SAMMSON: variants seen among roughly 807,000 people sequenced by gnomAD.
The protein encoded by SAMMSON is long intergenic non-protein coding RNA 1212.
intron 4 of SAMMSON, among the ~76,000 whole-genome samples, chr3:70,117,650 C>T (rs1239615005): frequency 6.6e-6 from 1 of 152,146 alleles, no homozygotes; most frequent in African/African-American, 2.4e-5. Context: ...CCCTGATAAT[C>T]TTCCTTTGCG....
chr3:70,364,949 C>G (rs1702908775), intron 9 of SAMMSON, among the ~76,000 whole-genome samples: 2 of 151,718 alleles, frequency 1.3e-5, no homozygotes, highest in African/African-American at 4.8e-5. Context: ...ATCGTGTTAT[C>G]CATTTATAAC....
At chr3:70,233,712 C>A (rs1158853918) in intron 4 of SAMMSON, among the ~76,000 whole-genome samples, 1 of 152,168 alleles carries the variant, frequency 6.6e-6, no homozygotes, top group Non-Finnish European at 1.5e-5. Flanking sequence ...ATTGACTCAA[C>A]TTCTAAAATT....
chr3:70,212,061 C>T (rs1004490614), intron 4 of SAMMSON, among the ~76,000 whole-genome samples: 28 of 152,042 alleles, frequency 1.8e-4, no homozygotes, highest in Admixed American at 1.7e-3. Context: ...CCCTTGAAGG[C>T]CGTATTTGTC....
At chr3:70,327,001 G>A (rs932237146) in intron 7 of SAMMSON, among the ~76,000 whole-genome samples, 10 of 152,124 alleles carry the variant, frequency 6.6e-5, no homozygotes, top group African/African-American at 2.2e-4. Flanking sequence ...TAGGCTGACA[G>A]GCATGTGCCA....
chr3:70,189,702 A>G (rs1220694192), intron 4 of SAMMSON, among the ~76,000 whole-genome samples: 1 of 152,182 alleles, frequency 6.6e-6, no homozygotes, highest in East Asian at 1.9e-4. Flanking sequence ...GTAAGTAATA[A>G]CTCACATTTG....
chr3:70,305,592 CTTTG>C (rs1213444598), intron 7 of SAMMSON, among the ~76,000 whole-genome samples: 1 of 152,162 alleles, frequency 6.6e-6, no homozygotes, highest in Non-Finnish European at 1.5e-5. Flanking sequence ...TTTTTGGCAT[CTTTG>C]TTTCTTTGTC....
At chr3:70,072,637 A>G (rs1157916243) in intron 4 of SAMMSON, 11 of 141,258 alleles carry the variant, frequency 7.8e-5, no homozygotes, top group Non-Finnish European at 7.7e-5. Flanking sequence ...GGAAAATAGA[A>G]CAGCAAAGGA....
intron 4 of SAMMSON, among the ~76,000 whole-genome samples, chr3:70,124,428 T>A (rs949998440): frequency 6.6e-6 from 1 of 152,184 alleles, no homozygotes; most frequent in African/African-American, 2.4e-5. Flanking sequence ...TACTAGGGAA[T>A]CACATATACA....
chr3:70,257,552 C>T (rs533668239), intron 6 of SAMMSON, among the ~76,000 whole-genome samples: 72 of 152,072 alleles, frequency 4.7e-4, no homozygotes, highest in East Asian at 1.5e-3. Context: ...GAGGAAGATA[C>T]GCTTTGCAAT....
intron 4 of SAMMSON, chr3:70,124,953 A>G: frequency 1.7e-6 from 1 of 577,426 alleles, no homozygotes; most frequent in Non-Finnish European, 3.1e-6. Flanking sequence ...ATTTTTAAAT[A>G]TACTTTCAAA....
chr3:70,051,158 A>G (rs866657610), intron 3 of SAMMSON, among the ~76,000 whole-genome samples: 13 of 147,556 alleles, frequency 8.8e-5, no homozygotes, highest in Non-Finnish European at 1.5e-5. Context: ...AAAAAAAAAA[A>G]AAGAAAAAAA....
At chr3:70,417,963 A>G (rs1275788019) in intron 2 of SAMMSON, among the ~76,000 whole-genome samples, 1 of 152,214 alleles carries the variant, frequency 6.6e-6, no homozygotes, top group Non-Finnish European at 1.5e-5. Context: ...GCTAGCCACA[A>G]GAAGAGGGAA....
chr3:70,419,204 T>G (rs1701291517), intron 2 of SAMMSON, among the ~76,000 whole-genome samples: 1 of 151,838 alleles, frequency 6.6e-6, no homozygotes, highest in African/African-American at 2.4e-5. Context: ...ATTGCGTTTT[T>G]TTTTCTTTTG....
At chr3:70,022,571 G>T (rs74567960) in intron 3 of SAMMSON, among the ~76,000 whole-genome samples, 1 of 151,242 alleles carries the variant, frequency 6.6e-6, no homozygotes, top group Non-Finnish European at 1.5e-5. Flanking sequence ...ATTTTATTTC[G>T]TATTGCAAAA....
intron 4 of SAMMSON, chr3:70,126,855 A>G (rs183706711): frequency 1.9e-5 from 3 of 160,552 alleles, no homozygotes; most frequent in East Asian, 3.7e-4. Flanking sequence ...AGCTGGGATT[A>G]CAAGCATGTG....
intron 7 of SAMMSON, among the ~76,000 whole-genome samples, chr3:70,328,689 A>C (rs1702598628): frequency 6.6e-6 from 1 of 152,140 alleles, no homozygotes; most frequent in Admixed American, 6.5e-5. Flanking sequence ...ACAACTTTAA[A>C]CAGTCTAATA....
intron 4 of SAMMSON, among the ~76,000 whole-genome samples, chr3:70,173,107 G>A (rs1011014708): frequency 6.6e-6 from 1 of 151,802 alleles, no homozygotes. Context: ...ACCACTAAAA[G>A]CCCACTACAT....
chr3:70,297,385 A>T (rs115684717), intron 7 of SAMMSON, among the ~76,000 whole-genome samples: 2 of 152,054 alleles, frequency 1.3e-5, no homozygotes, highest in Non-Finnish European at 2.9e-5. Context: ...GGAGATTAAG[A>T]GTTTAGATAT....
chr3:70,169,853 ATAGCT>A lies in SAMMSON; in HGVS notation n.508-79251_508-79247del, dbSNP rs373224918. On this transcript the variant is annotated intron_variant and non_coding_transcript_variant, in intron 4 of 9. Transcript: ENST00000642114. ...TGTTAGTTTATAGGCCCTTGATTAG[ATAGCT>A]TATTGATTTTGGCTGCTGGTGATAG... Among the ~76,000 whole-genome samples the A allele has an allele frequency of 1.1e-4, 17 of 151,900 alleles. No individual in the cohort carries two copies. The East Asian group carries it at 3.3e-3, about 30-fold the overall frequency.
Sources: gnomAD v4.1 joint callset for allele counts (sites outside exome capture counted in the v4.1 genomes callset) on GRCh38, gnomAD v4.1.1 for gene constraint, MANE v1.5 for transcripts, NCBI Gene and HGNC (gene_info 2026-07-23, HGNC 2026-07-21) for gene names.